The following QTGAL variants were observed in gnomAD, a reference collection of about 807,000 sequenced individuals.
QTGAL encodes the protein queuosine-tRNA galactosyltransferase.
the QTGAL span, chr17:82,942,761 G>T: frequency 3.9e-6 from 2 of 511,910 alleles, no homozygotes; most frequent in Non-Finnish European, 6.9e-6. Flanking sequence ...AAGGCTCACT[G>T]CCCAGGGGTC....
At chr17:83,005,135 G>A in the QTGAL span, 3 of 1,608,948 alleles carry the variant, frequency 1.9e-6, no homozygotes, top group Non-Finnish European at 2.6e-6. This position sits in a 1 kb window ranked among gnomAD's most constrained non-coding sequence, Gnocchi z 5.6. Context: ...AGCTGCTCCG[G>A]CGTCAGCTGG....
chr17:82,986,438 G>A, the QTGAL span, among the ~76,000 whole-genome samples: 1 of 152,206 alleles, frequency 6.6e-6, no homozygotes, highest in Non-Finnish European at 1.5e-5. Flanking sequence ...TTTAAAAGCA[G>A]GAAAACAAAT....
At chr17:83,036,280 G>A in the QTGAL span, among the ~76,000 whole-genome samples, 1 of 152,236 alleles carries the variant, frequency 6.6e-6, no homozygotes, top group Non-Finnish European at 1.5e-5. Flanking sequence ...CAGCTGCTGG[G>A]TGGGGGCCCT....
chr17:83,007,720 T>C, the QTGAL span, among the ~76,000 whole-genome samples: 1 of 152,150 alleles, frequency 6.6e-6, no homozygotes, highest in Non-Finnish European at 1.5e-5. Context: ...AGCTTCATGC[T>C]TCCCTGGAAA....
chr17:82,946,875 C>A, the QTGAL span: 3 of 1,548,820 alleles, frequency 1.9e-6, no homozygotes, highest in Non-Finnish European at 2.6e-6. Context: ...GTGAAAAGAC[C>A]CACCTGGGAG....
chr17:82,985,474 G>C, the QTGAL span, among the ~76,000 whole-genome samples: 1 of 152,118 alleles, frequency 6.6e-6, no homozygotes, highest in African/African-American at 2.4e-5. Context: ...GGACCTACCT[G>C]ATTTATTTGT....
the QTGAL span, among the ~76,000 whole-genome samples, chr17:82,987,406 AAC>A: frequency 2.0e-5 from 3 of 152,358 alleles, no homozygotes; most frequent in Admixed American, 6.5e-5. Context: ...AGACAATACT[AAC>A]ACACACATTT....
the QTGAL span, among the ~76,000 whole-genome samples, chr17:83,029,147 C>T: frequency 6.6e-6 from 1 of 152,158 alleles, no homozygotes; most frequent in Non-Finnish European, 1.5e-5. Context: ...GTTACACAGG[C>T]GTGTGAGCTG....
At chr17:82,970,844 A>C in the QTGAL span, among the ~76,000 whole-genome samples, 1 of 152,228 alleles carries the variant, frequency 6.6e-6, no homozygotes, top group East Asian at 1.9e-4. Flanking sequence ...CATTTGGCTC[A>C]TGCTTCTGGT....
chr17:82,970,944 A>G, the QTGAL span, among the ~76,000 whole-genome samples: 2 of 152,194 alleles, frequency 1.3e-5, no homozygotes, highest in Admixed American at 1.3e-4. Context: ...TGGTGTACGC[A>G]GAGAGCATGT....
the QTGAL span, chr17:82,942,485 C>T: frequency 1.9e-6 from 3 of 1,613,972 alleles, no homozygotes. Context: ...GAGCCCATAC[C>T]TCACCCCTGC....
chr17:82,960,723 C>T, the QTGAL span, among the ~76,000 whole-genome samples: 2 of 152,224 alleles, frequency 1.3e-5, no homozygotes, highest in Non-Finnish European at 2.9e-5. Flanking sequence ...TGGTCCCCGC[C>T]GGACCCCACT....
At chr17:82,980,905 C>A in the QTGAL span, among the ~76,000 whole-genome samples, 124,203 of 152,034 alleles carry the variant, frequency 0.82, 51,096 homozygotes, top group African/African-American at 0.91. Context: ...CCTCTGAGCA[C>A]ATGGCTGGTT....
At chr17:82,959,746 T>TA in the QTGAL span, among the ~76,000 whole-genome samples, 1 of 152,010 alleles carries the variant, frequency 6.6e-6, no homozygotes, top group African/African-American at 2.4e-5. Context: ...GGGGGGCCTC[T>TA]GACACCGGCC....
chr17:83,036,594 G>A, the QTGAL span, among the ~76,000 whole-genome samples: 1 of 152,198 alleles, frequency 6.6e-6, no homozygotes, highest in Non-Finnish European at 1.5e-5. Context: ...GTGGTTAAAC[G>A]CCAAAGGAAC....
At chr17:83,013,900 C>A in the QTGAL span, among the ~76,000 whole-genome samples, 33 of 152,294 alleles carry the variant, frequency 2.2e-4, no homozygotes, top group East Asian at 2.5e-3. Context: ...AGGAGCCTCG[C>A]GGTGGCTGAG....
At chr17:83,034,823 T>C in the QTGAL span, among the ~76,000 whole-genome samples, 2 of 152,224 alleles carry the variant, frequency 1.3e-5, no homozygotes, top group East Asian at 3.8e-4. Flanking sequence ...CCCGGACACA[T>C]GGAACTGTGA....
chr17:83,037,677 G>A, the QTGAL span, among the ~76,000 whole-genome samples: 1 of 152,118 alleles, frequency 6.6e-6, no homozygotes, highest in South Asian at 2.1e-4. The surrounding 1 kb of genome is among the most constrained non-coding windows in gnomAD (Gnocchi z 5.2). Context: ...GGCCGGAAGG[G>A]GCCTTCCACG....
chr17:82,978,121 C>T, the QTGAL span, among the ~76,000 whole-genome samples: 1 of 152,066 alleles, frequency 6.6e-6, no homozygotes, highest in Non-Finnish European at 1.5e-5. The surrounding 1 kb of genome is among the most constrained non-coding windows in gnomAD (Gnocchi z 4.8). Context: ...CTGTTTGTAC[C>T]TAAAATCCTT....
Sources: allele counts gnomAD v4.1 joint callset (sites outside exome capture counted in the v4.1 genomes callset), GRCh38; gene constraint gnomAD v4.1.1; non-coding constraint Gnocchi (gnomAD v3.1); transcripts MANE v1.5; gene names NCBI Gene and HGNC (gene_info 2026-07-23, HGNC 2026-07-21).